The following KIAA0825 variants were observed in gnomAD, a reference collection of about 807,000 sequenced individuals.
The protein encoded by KIAA0825 is uncharacterized protein KIAA0825.
A neutral mutation model predicts 147.6 loss-of-function variants in KIAA0825; 119 were observed. That is an observed-to-expected ratio of 0.81 (90% CI 0.69 to 0.94). KIAA0825 has a LOEUF of 0.94. Ranked by LOEUF, KIAA0825 falls within the 40% of genes least tolerant of loss-of-function variation. The probability of loss-of-function intolerance (pLI) is 0.00; values close to 1 mark genes in which losing one functional copy is unlikely to be tolerated. For synonymous variants in KIAA0825, 470 were observed against 518.1 expected, an observed-to-expected ratio of 0.91 and a Z score of 1.26; for missense variants, 1,381 against 1,472.7, an observed-to-expected ratio of 0.94 and a Z score of 1.02.
chr5:94,589,323 T>C (rs1312806982), intron 1 of KIAA0825, among the ~76,000 whole-genome samples: 1 of 152,224 alleles, frequency 6.6e-6, no homozygotes, highest in Non-Finnish European at 1.5e-5. Context: ...CATTCACTAA[T>C]AAGCTTCCAC....
In KIAA0825 at chr5:94,560,685, C is replaced by T. The variant is rs560150620; in HGVS notation, c.-2+21748G>A. On this transcript the variant is annotated intron_variant, in intron 2 of 20. Transcript: ENST00000682413. ...ACCAAGTTCTTGGATACTTTTTCTCCGTAAGATCTTAAATGGTCACCAAAT... is the reference window on the plus strand; with the variant it reads ...ACCAAGTTCTTGGATACTTTTTCTCTGTAAGATCTTAAATGGTCACCAAAT... 1.1e-3 allele frequency among the ~76,000 whole-genome samples: 171 copies of T among 152,196 alleles called. 2 individuals are homozygous for T. Among genetic ancestry groups the T allele is most frequent in the African/African-American group, 3.6e-3 (149 of 41,522 alleles).
intron 7 of KIAA0825, among the ~76,000 whole-genome samples, chr5:94,475,268 T>A (rs948528281): frequency 6.6e-6 from 1 of 152,098 alleles, no homozygotes; most frequent in African/African-American, 2.4e-5. Context: ...AACAAAAAAA[T>A]TCTGATTTTT....
chr5:94,316,600 G>T (rs531794771), intron 20 of KIAA0825, among the ~76,000 whole-genome samples: 11 of 151,742 alleles, frequency 7.2e-5, no homozygotes, highest in Admixed American at 6.6e-4. Flanking sequence ...TACCTAGGAG[G>T]TCCAGGCAGG....
chr5:94,208,656 A>T (rs1217324372), intron 20 of KIAA0825, among the ~76,000 whole-genome samples: 2 of 152,192 alleles, frequency 1.3e-5, no homozygotes, highest in Non-Finnish European at 2.9e-5. Flanking sequence ...TGAGCATTTG[A>T]GCTGACTCTT....
At chr5:94,401,326 G>A (rs890794580) in intron 16 of KIAA0825, among the ~76,000 whole-genome samples, 23 of 151,880 alleles carry the variant, frequency 1.5e-4, no homozygotes, top group Non-Finnish European at 1.8e-4. Flanking sequence ...ATAGAAACAA[G>A]TGGGAGCTTT....
chr5:94,224,086 T>C (rs77639690), intron 20 of KIAA0825, among the ~76,000 whole-genome samples: 1 of 90,254 alleles, frequency 1.1e-5, no homozygotes, highest in Non-Finnish European at 2.2e-5. Flanking sequence ...TCTTTTCTTT[T>C]TTTTTTTTTT....
rs1374272122 is a variant in KIAA0825 at position 94,569,034 on chromosome 5, A to G, written c.-2+13399T>C. 3.5e-5 allele frequency: 6 copies of G among 169,924 alleles called. 1 individual carries two copies. Among genetic ancestry groups the G allele is most frequent in the Non-Finnish European group, 7.5e-5 (6 of 79,780 alleles). 10.5% of individuals were successfully genotyped at this position (169,924 alleles called of 1,614,324 possible). On this transcript the variant is annotated intron_variant, in intron 2 of 20. Coordinates refer to ENST00000682413, the MANE Select transcript of KIAA0825 (RefSeq NM_001145678.3). ...CCAATCAATGCCCGTAATCGTATAA[A>G]GCCCCCGCACCAATAGGATCCTCCC...
At chr5:94,258,524 G>GT (rs1378639887) in intron 20 of KIAA0825, among the ~76,000 whole-genome samples, 8 of 151,874 alleles carry the variant, frequency 5.3e-5, no homozygotes, top group South Asian at 2.1e-4. Flanking sequence ...CTTAGGTTCT[G>GT]TTTTTCCCCC....
intron 20 of KIAA0825, among the ~76,000 whole-genome samples, chr5:94,371,609 A>C (rs1183953903): frequency 1.3e-5 from 2 of 152,110 alleles, no homozygotes; most frequent in Non-Finnish European, 2.9e-5. Context: ...CTATCACTAG[A>C]ACAGTATGGG....
At chr5:94,584,324 C>T (rs558597233) in intron 1 of KIAA0825, among the ~76,000 whole-genome samples, 1 of 152,280 alleles carries the variant, frequency 6.6e-6, no homozygotes, top group South Asian at 2.1e-4. Flanking sequence ...ACTACAATAA[C>T]CAGTGTAGAG....
intron 5 of KIAA0825, 179 bp downstream of exon 5, chr5:94,520,069 T>C: frequency 8.8e-7 from 1 of 1,135,242 alleles, no homozygotes; most frequent in Non-Finnish European, 1.1e-6. Flanking sequence ...AAGAAAATAC[T>C]TTTATAACTA....
chr5:94,198,856 A>G (rs1431785352), intron 20 of KIAA0825, among the ~76,000 whole-genome samples: 2 of 152,166 alleles, frequency 1.3e-5, no homozygotes, highest in African/African-American at 4.8e-5. Flanking sequence ...AACACTTTCA[A>G]TTGTATTATG....
At chr5:94,508,540 G>A (rs192317884) in intron 5 of KIAA0825, among the ~76,000 whole-genome samples, 10 of 151,996 alleles carry the variant, frequency 6.6e-5, no homozygotes, top group African/African-American at 1.9e-4. Flanking sequence ...GAAAAAAAAG[G>A]GGGGGGAAGT....
At chr5:94,421,406 C>T (rs1013736710) in intron 14 of KIAA0825, among the ~76,000 whole-genome samples, 5 of 152,208 alleles carry the variant, frequency 3.3e-5, no homozygotes, top group African/African-American at 9.6e-5. Context: ...GCAGAACTTT[C>T]CAAATTATCC....
intron 20 of KIAA0825, among the ~76,000 whole-genome samples, chr5:94,160,405 ATG>A (rs1430980678): frequency 1.3e-5 from 2 of 150,308 alleles, no homozygotes; most frequent in Non-Finnish European, 3.0e-5. Flanking sequence ...ACAGTAATAT[ATG>A]TATACAGTAT....
chr5:94,506,071 C>T (rs1765703634), intron 5 of KIAA0825, among the ~76,000 whole-genome samples: 1 of 152,184 alleles, frequency 6.6e-6, no homozygotes, highest in African/African-American at 2.4e-5. Context: ...TTCATAATTG[C>T]TAATTAGTAC....
chr5:94,316,149 T>C (rs1277492871), intron 20 of KIAA0825, among the ~76,000 whole-genome samples: 2 of 151,698 alleles, frequency 1.3e-5, no homozygotes, highest in Non-Finnish European at 1.5e-5. Context: ...ATATGGCTTT[T>C]ACATTTATAT....
chr5:94,386,551 A>G (rs761234544), intron 18 of KIAA0825, 147 bp from the exon 19 acceptor site: 1 of 658,710 alleles, frequency 1.5e-6, no homozygotes, highest in Non-Finnish European at 2.6e-6. Context: ...TATTTTCAGA[A>G]GATACATAGT....
chr5:94,487,181 G>A (rs1033926098), intron 5 of KIAA0825, among the ~76,000 whole-genome samples: 4 of 152,102 alleles, frequency 2.6e-5, no homozygotes, highest in Admixed American at 2.0e-4. Context: ...TACAACAATC[G>A]TGAAAGGTAA....
Sources: gnomAD v4.1 joint callset for allele counts (sites outside exome capture counted in the v4.1 genomes callset) on GRCh38, gnomAD v4.1.1 for gene constraint, MANE v1.5 for transcripts, NCBI Gene and HGNC (gene_info 2026-07-23, HGNC 2026-07-21) for gene names.